The following SLC6A20 variants were observed in gnomAD, a reference collection of about 807,000 sequenced individuals.
The protein encoded by SLC6A20 is sodium- and chloride-dependent transporter XTRP3.
Under a neutral mutation model 64.3 loss-of-function variants are expected in SLC6A20, and 73 were observed. The observed-to-expected ratio is 1.14, with a 90% CI of 0.94 to 1.38. The LOEUF (loss-of-function observed/expected upper bound fraction) is 1.38. Among genes scored for constraint, SLC6A20 ranks in the 40% most tolerant of loss-of-function variants. The pLI is 0.00. For missense variants in SLC6A20, 725 were observed against 772.8 expected (o/e 0.94, Z 0.73); for synonymous variants, 347 against 329.6 (o/e 1.05, Z -0.57).
chr3:45,760,059 C>A, intron 9 of SLC6A20, 37 bp from the exon 10 acceptor site: 1 of 1,588,154 alleles, frequency 6.3e-7, no homozygotes, highest in South Asian at 1.2e-5. Context: ...CTGGATTAAC[C>A]AGGCTGCGGA....
rs1699769750 is a variant in SLC6A20, at chr3:45,765,946, C to T, written c.1099-205G>A. ...CTGCCAGGAGCTCATATATGCAAAG[C>T]ACGTGAGAACTTGTAGCCAGCCTGC... On this transcript the variant is annotated intron_variant, in intron 7 of 10. Coordinates refer to ENST00000358525, the MANE Select transcript of SLC6A20 (RefSeq NM_020208.4). This position sits in a 1 kb window ranked among gnomAD's most constrained non-coding sequence, Gnocchi z 4.2. Among the ~76,000 whole-genome samples the T allele has an allele frequency of 6.6e-6, 1 of 152,224 alleles. No homozygotes were observed. The highest frequency in any genetic ancestry group is 2.1e-4 in the South Asian group (1 of 4,830).
intron 9 of SLC6A20, among the ~76,000 whole-genome samples, chr3:45,761,949 CAG>C (rs1699689723): frequency 6.6e-6 from 1 of 152,154 alleles, no homozygotes; most frequent in African/African-American, 2.4e-5. Flanking sequence ...GCCTGCCTCC[CAG>C]AGTGTTGTCA....
intron 4 of SLC6A20, among the ~76,000 whole-genome samples, chr3:45,773,798 G>C (rs1269945758): frequency 2.0e-5 from 3 of 152,228 alleles, no homozygotes; most frequent in Non-Finnish European, 4.4e-5. Context: ...CAGGTGGAAT[G>C]TGGGGTGTGT....
At chr3:45,759,814 G>A (rs1699632078) in intron 10 of SLC6A20, 43 bp downstream of exon 10, 2 of 1,570,906 alleles carry the variant, frequency 1.3e-6, no homozygotes, top group Middle Eastern at 1.7e-4. Context: ...GCTTTTCAGT[G>A]GCCATGGGGG....
chr3:45,762,827 C>T (rs1699706529), intron 9 of SLC6A20, 86 bp downstream of exon 9: 1 of 1,527,290 alleles, frequency 6.5e-7, no homozygotes, highest in African/African-American at 1.4e-5. Context: ...TGAAGATGTG[C>T]ATCAAGAAAC....
chr3:45,796,408 C>T lies in SLC6A20; in HGVS notation c.12G>A (p.Ala4=). The change falls in exon 1 of 11, where the codon GCG becomes GCA. Residue 4 remains alanine (A), a synonymous_variant. Coordinates refer to ENST00000358525, the MANE Select transcript of SLC6A20 (RefSeq NM_020208.4). MEK[A]RPLWANSLQF... ...GTAGCGAGTTGGCCCACAGCGGCCG[C>T]GCTTTCTCCATGGCCCCGGCCTCGG... 1 of 1,612,102 alleles carries T rather than the reference C, an allele frequency of 6.2e-7. No individual in the cohort carries two copies. Among genetic ancestry groups the T allele is most frequent in the South Asian group, 1.1e-5 (1 of 90,940 alleles).
Position 45,775,756 on chromosome 3 carries a change from C to T in SLC6A20, c.582+5G>A. The T allele has an allele frequency of 6.2e-7, 1 of 1,612,534 alleles. No individual in the cohort carries two copies. Among genetic ancestry groups the T allele is most frequent in the Non-Finnish European group, 8.5e-7 (1 of 1,179,498 alleles). On this transcript the variant is annotated splice_donor_5th_base_variant and intron_variant, in intron 4 of 10. Coordinates refer to ENST00000358525, the MANE Select transcript of SLC6A20 (RefSeq NM_020208.4). ...GCACCGGGCTTCTGTGCCTCACTGT[C>T]CCACCTTGCCAGTGGACTCGGTGCC... is the stretch of plus-strand genomic sequence containing the variant.
chr3:45,771,648 A>C, intron 5 of SLC6A20, 190 bp from the exon 6 acceptor site: 8 of 822,598 alleles, frequency 9.7e-6, no homozygotes, highest in Non-Finnish European at 1.3e-5. Flanking sequence ...CACACACCTC[A>C]AGCTGCACAC....
rs1017771984 is a variant in SLC6A20 at position 45,758,517 on chromosome 3, G to A, written c.*461C>T. The A allele has an allele frequency of 4.3e-6, 5 of 1,175,540 alleles. No homozygotes were observed. The African/African-American group carries it at 4.9e-5, about 12-fold the overall frequency. The allele number at this position is 1,175,540 out of a possible 1,614,324, so 72.8% of individuals were successfully genotyped here. A position where few individuals can be genotyped will look rare whatever the true frequency, so the allele number is the denominator to read the frequency against. On this transcript the variant is annotated 3_prime_UTR_variant, in exon 11 of 11. Transcript: ENST00000358525. ...ATTCACTACAACTCAAAAAAGAAGA[G>A]AATTAATTTTGCACCACTGACAAAT...
At chr3:45,781,552 G>A (rs1700084552) in intron 2 of SLC6A20, among the ~76,000 whole-genome samples, 1 of 152,152 alleles carries the variant, frequency 6.6e-6, no homozygotes, top group Non-Finnish European at 1.5e-5. Flanking sequence ...AGAAGCATGA[G>A]ATGAAACAGT....
At chr3:45,792,401 C>A (rs1054081817) in intron 1 of SLC6A20, among the ~76,000 whole-genome samples, 8 of 152,158 alleles carry the variant, frequency 5.3e-5, no homozygotes, top group South Asian at 2.1e-4. Flanking sequence ...GTGACAGGAC[C>A]AACTGTGGGC....
At chr3:45,778,164 G>C (rs1700002965) in intron 3 of SLC6A20, among the ~76,000 whole-genome samples, 1 of 152,234 alleles carries the variant, frequency 6.6e-6, no homozygotes, top group Non-Finnish European at 1.5e-5. Context: ...TGGACACAAG[G>C]CTGGAAAGCC....
intron 1 of SLC6A20, among the ~76,000 whole-genome samples, chr3:45,785,170 G>A: frequency 6.6e-6 from 1 of 152,176 alleles, no homozygotes; most frequent in East Asian, 1.9e-4. Context: ...CAGGTTGGTG[G>A]TGGCCAGGAG....
intron 1 of SLC6A20, among the ~76,000 whole-genome samples, chr3:45,792,577 C>A (rs766693158): frequency 3.3e-5 from 5 of 152,174 alleles, no homozygotes; most frequent in African/African-American, 4.8e-5. Flanking sequence ...GGGCCCTCAC[C>A]CACTTTACAG....
rs373778542 is a variant in SLC6A20 at position 45,772,572 on chromosome 3, A to G, written c.626T>C (p.Ile209Thr). ...GAGCGTGAGGCCCCTGATGAGGTAG[A>G]TGATGAGCACGCAATAGGGCAGTGA... ...TASLPYCVLI[I>T]YLIRGLTLHG... The change falls in exon 5 of 11, where the codon ATC becomes ACC. Residue 209 changes from isoleucine to threonine, a missense_variant. Ile to Thr is a moderately conservative substitution (Grantham distance 89). Transcript: ENST00000358525. The G allele has an allele frequency of 5.6e-6, 9 of 1,613,888 alleles. No homozygotes were observed. The highest frequency in any genetic ancestry group is 7.6e-6 in the Non-Finnish European group (9 of 1,179,974).
intron 7 of SLC6A20, among the ~76,000 whole-genome samples, chr3:45,767,467 A>T (rs1351603435): frequency 6.6e-6 from 1 of 152,226 alleles, no homozygotes; most frequent in Non-Finnish European, 1.5e-5. Context: ...AAAGAGAGTT[A>T]GTGAACTGAA....
At chr3:45,759,296 G>A (rs1034129188) in intron 10 of SLC6A20, among the ~76,000 whole-genome samples, 169 bp from the exon 11 acceptor site, 2 of 152,206 alleles carry the variant, frequency 1.3e-5, no homozygotes, top group Non-Finnish European at 2.9e-5. Flanking sequence ...AATGTGCCAG[G>A]AGCCTAACTG....
Position 45,763,596 on chromosome 3 carries a change from G to A in SLC6A20, c.1304-524C>T, listed in dbSNP as rs149800325. ...AGATCCTCCCTTGTGCCAGGCACTTGCAATGCGTTGGACCCTTAGGCCTCT... is the reference window on the plus strand; with the variant it reads ...AGATCCTCCCTTGTGCCAGGCACTTACAATGCGTTGGACCCTTAGGCCTCT... On this transcript the variant is annotated intron_variant, in intron 8 of 10. Coordinates refer to ENST00000358525, the MANE Select transcript of SLC6A20 (RefSeq NM_020208.4). Among the ~76,000 whole-genome samples the A allele has an allele frequency of 2.6e-3, 401 of 152,312 alleles. 1 individual carries two copies. The highest frequency in any genetic ancestry group is 3.5e-3 in the Non-Finnish European group (236 of 68,034).
At chr3:45,763,279 G>A (rs6794096) in intron 8 of SLC6A20, among the ~76,000 whole-genome samples, 4 of 152,126 alleles carry the variant, frequency 2.6e-5, no homozygotes, top group Admixed American at 6.5e-5. Context: ...GTCCCGAAGC[G>A]TGTTGGCAGG....
Sources: gnomAD v4.1 joint callset for allele counts (sites outside exome capture counted in the v4.1 genomes callset) on GRCh38, gnomAD v4.1.1 for gene constraint, Gnocchi (gnomAD v3.1) non-coding constraint, MANE v1.5 for transcripts, NCBI Gene and HGNC (gene_info 2026-07-23, HGNC 2026-07-21) for gene names.